GALK2: variants seen among roughly 807,000 people sequenced by gnomAD.
The protein encoded by GALK2 is galactokinase 2, also known as N-acetylgalactosamine kinase.
GALK2 carries 36 observed loss-of-function variants against 52.4 expected under a neutral mutation model. That is an observed-to-expected ratio of 0.69 (90% CI 0.53 to 0.91). GALK2 has a LOEUF of 0.91. Among genes scored for constraint, GALK2 ranks in the 40% least tolerant of loss-of-function variants. GALK2 has a pLI of 0.00. For missense variants in GALK2, 579 were observed against 559.1 expected, an observed-to-expected ratio of 1.04 and a Z score of -0.36; for synonymous variants, 176 against 199.1, an observed-to-expected ratio of 0.88 and a Z score of 0.98.
chr15:49,196,673 T>C (rs2087262974), intron 1 of GALK2, among the ~76,000 whole-genome samples: 1 of 152,250 alleles, frequency 6.6e-6, no homozygotes, highest in Non-Finnish European at 1.5e-5. Flanking sequence ...TTTGGACTCA[T>C]TGATCTACTA....
chr15:49,361,878 TC>T (rs2044301785), intron 3 of GALK2, among the ~76,000 whole-genome samples: 1 of 152,100 alleles, frequency 6.6e-6, no homozygotes, highest in Non-Finnish European at 1.5e-5. Flanking sequence ...GTATAAGCAT[TC>T]CTTTTCTCTG....
At chr15:49,274,236 G>A (rs1171356581) in intron 5 of GALK2, among the ~76,000 whole-genome samples, 2 of 152,190 alleles carry the variant, frequency 1.3e-5, no homozygotes, top group Non-Finnish European at 2.9e-5. Flanking sequence ...CCTAGATGGT[G>A]TAGCCTACTA....
intron 9 of GALK2, among the ~76,000 whole-genome samples, chr15:49,324,799 T>C (rs982736348): frequency 9.9e-5 from 15 of 152,148 alleles, no homozygotes; most frequent in African/African-American, 3.6e-4. Flanking sequence ...AAGGGAAATA[T>C]CGTAGTCCAG....
intron 3 of GALK2, among the ~76,000 whole-genome samples, chr15:49,361,097 T>G (rs2044146468): frequency 6.6e-6 from 1 of 152,184 alleles, no homozygotes; most frequent in Admixed American, 6.5e-5. Context: ...GTATTTAAGG[T>G]GATGAATATG....
chr15:49,182,297 C>G (rs1362513304), intron 1 of GALK2, among the ~76,000 whole-genome samples: 1 of 152,192 alleles, frequency 6.6e-6, no homozygotes, highest in Admixed American at 6.5e-5. Context: ...TCCCCCAGAT[C>G]CATCCATGTT....
intron 1 of GALK2, chr15:49,194,284 C>T (rs2087016894): frequency 6.6e-6 from 1 of 151,926 alleles, no homozygotes; most frequent in Non-Finnish European, 1.5e-5. Context: ...CGAGATCCGC[C>T]ACTGCACTCC....
At chr15:49,283,256 T>A (rs755626403) in intron 6 of GALK2, among the ~76,000 whole-genome samples, 5 of 152,180 alleles carry the variant, frequency 3.3e-5, no homozygotes, top group Non-Finnish European at 7.4e-5. Flanking sequence ...GCTGTACTGA[T>A]GAGATGCTTC....
At chr15:49,305,414 G>C (rs1596042288) in intron 8 of GALK2, among the ~76,000 whole-genome samples, 1 of 152,132 alleles carries the variant, frequency 6.6e-6, no homozygotes, top group East Asian at 1.9e-4. Flanking sequence ...TGAGGAAGAT[G>C]GTTTCTTGTT....
rs1035746199 is a variant in GALK2 at position 49,285,526 on chromosome 15, A to G, written c.756+1808A>G. Reference sequence around the variant, plus strand: ...GCCCTCAGCTTCAACTTCCATCTCTATGATGATGACTTCCTAATAAACATC... The same window carrying G: ...GCCCTCAGCTTCAACTTCCATCTCTGTGATGATGACTTCCTAATAAACATC... On this transcript the variant is annotated intron_variant, in intron 7 of 9. Transcript: ENST00000560031. Among the ~76,000 whole-genome samples the G allele has an allele frequency of 2.6e-5, 4 of 152,194 alleles. No homozygotes were observed. The South Asian group carries it at 8.3e-4, about 32-fold the overall frequency.
At chr15:49,167,112 T>C (rs2141160115), upstream of GALK2, among the ~76,000 whole-genome samples, 1 of 152,350 alleles carries the variant, frequency 6.6e-6, no homozygotes, top group East Asian at 1.9e-4. Context: ...ATTTTAGTGT[T>C]TGTTTTGTTT....
chr15:49,323,740 G>C (rs965841905), intron 9 of GALK2, among the ~76,000 whole-genome samples: 1 of 152,188 alleles, frequency 6.6e-6, no homozygotes, highest in East Asian at 1.9e-4. Flanking sequence ...TTGGGAAAGA[G>C]CACCACTGCT....
At chr15:49,156,963 G>C (rs2084479125) in intron 1 of GALK2, 1 of 328,152 alleles carries the variant, frequency 3.0e-6, no homozygotes, top group East Asian at 8.6e-5. Flanking sequence ...CTCATTGTGA[G>C]AGCATCCTCT....
intron 8 of GALK2, among the ~76,000 whole-genome samples, chr15:49,311,963 G>T (rs1362804953): frequency 6.6e-6 from 1 of 152,172 alleles, no homozygotes. Context: ...GATTGGGCCG[G>T]GGGCTGTCCA....
intron 5 of GALK2, among the ~76,000 whole-genome samples, chr15:49,276,965 C>CTTTTTTTTTTTTTTTTT (rs2031798667): frequency 6.9e-5 from 1 of 14,508 alleles, no homozygotes; most frequent in Admixed American, 7.4e-4. Flanking sequence ...TTCTTTTTTT[C>CTTTTTTTTTTTTTTTTT]TTTTCTTTTT....
intron 3 of GALK2, among the ~76,000 whole-genome samples, chr15:49,339,307 G>T (rs1039869635): frequency 2.0e-5 from 3 of 152,134 alleles, no homozygotes; most frequent in African/African-American, 7.2e-5. Context: ...ACCTTTGGAT[G>T]GGGTCTCTGA....
At chr15:49,246,739 G>A (rs918296244) in intron 5 of GALK2, among the ~76,000 whole-genome samples, 1 of 152,166 alleles carries the variant, frequency 6.6e-6, no homozygotes, top group African/African-American at 2.4e-5. Flanking sequence ...CAAGAATCCT[G>A]TATTGGGAAG....
At chr15:49,321,466 A>T (rs951657053) in intron 9 of GALK2, among the ~76,000 whole-genome samples, 1 of 152,226 alleles carries the variant, frequency 6.6e-6, no homozygotes, top group Non-Finnish European at 1.5e-5. Flanking sequence ...TGCAAGGAAG[A>T]CTTAGATAAT....
At chr15:49,318,907 C>T (rs1298465295) in intron 8 of GALK2, 40 of 451,204 alleles carry the variant, frequency 8.9e-5, no homozygotes, top group Non-Finnish European at 4.4e-6. Flanking sequence ...CTGCACATCC[C>T]TCAGTGCTGT....
chr15:49,222,238 A>C lies in GALK2; in HGVS notation c.266+4925A>C, dbSNP rs555307193. Among the ~76,000 whole-genome samples, 13 of 150,622 alleles carry C rather than the reference A, an allele frequency of 8.6e-5. No individual in the cohort carries two copies. The East Asian group carries it at 1.6e-3, about 18-fold the overall frequency. Reference sequence around the variant, plus strand: ...GTATTGAAATGCTGCAAATTTTTGTATGTTGGTTTTTTATACTGCAACTTT... The same window carrying C: ...GTATTGAAATGCTGCAAATTTTTGTCTGTTGGTTTTTTATACTGCAACTTT... On this transcript the variant is annotated intron_variant, in intron 3 of 9. Coordinates refer to ENST00000560031, the MANE Select transcript of GALK2 (RefSeq NM_002044.4).
Sources: allele counts gnomAD v4.1 joint callset (sites outside exome capture counted in the v4.1 genomes callset), GRCh38; gene constraint gnomAD v4.1.1; transcripts MANE v1.5; gene names NCBI Gene and HGNC (gene_info 2026-07-23, HGNC 2026-07-21).